Variants in CBL observed in about 807,000 individuals in gnomAD.
CBL encodes E3 ubiquitin-protein ligase CBL.
In CBL, 45 loss-of-function variants were observed where a neutral mutation model predicts 96.9. The ratio of observed to expected loss-of-function variants is 0.46; its 90% CI spans 0.37 to 0.60. The LOEUF (loss-of-function observed/expected upper bound fraction) is 0.60. CBL is among the 20% of genes least tolerant of loss of function. CBL has a pLI of 0.00. For missense variants in CBL, 1,024 were observed against 1,143.5 expected, an observed-to-expected ratio of 0.90 and a Z score of 1.51; for synonymous variants, 420 against 426.8, an observed-to-expected ratio of 0.98 and a Z score of 0.20.
chr11:119,273,830 T>A (rs539715379), intron 3 of CBL, 38 bp from the exon 4 acceptor site: 11 of 1,586,042 alleles, frequency 6.9e-6, no homozygotes, highest in African/African-American at 1.3e-5. Context: ...ATTATCTCTG[T>A]TATTTCACTT....
intron 2 of CBL, among the ~76,000 whole-genome samples, chr11:119,263,506 T>A (rs180963936): frequency 6.6e-6 from 1 of 152,342 alleles, no homozygotes; most frequent in East Asian, 1.9e-4. Context: ...AGTAGGAATC[T>A]GTTACTGTGT....
In CBL at chr11:119,294,156, C is replaced by T. The variant is rs369548701; in HGVS notation, c.2037-2762C>T. On this transcript the variant is annotated intron_variant, in intron 12 of 15. Transcript: ENST00000264033. ...AATTAAAATTTTTAAAAGTTAGGCACGGTGGCTCACGCCTGTAATCCCAGC... is the reference window on the plus strand; with the variant it reads ...AATTAAAATTTTTAAAAGTTAGGCATGGTGGCTCACGCCTGTAATCCCAGC... Among the ~76,000 whole-genome samples, 316 of 152,278 alleles carry T rather than the reference C, an allele frequency of 2.1e-3. 18 individuals are homozygous for T. In the South Asian group the frequency reaches 0.062, roughly 30 times the overall value.
intron 1 of CBL, among the ~76,000 whole-genome samples, chr11:119,207,113 A>G (rs1949276556): frequency 2.0e-5 from 3 of 152,112 alleles, no homozygotes; most frequent in Admixed American, 2.0e-4. Flanking sequence ...GACAGCTCTC[A>G]GGGAAGCTGT....
chr11:119,264,456 TC>T (rs1480625003), intron 2 of CBL, among the ~76,000 whole-genome samples: 1 of 134,540 alleles, frequency 7.4e-6, no homozygotes, highest in African/African-American at 2.8e-5. Context: ...TCTTCTCTTC[TC>T]TTCTCTTTTC....
intron 2 of CBL, among the ~76,000 whole-genome samples, chr11:119,242,340 G>A (rs970333250): frequency 6.6e-6 from 1 of 151,798 alleles, no homozygotes; most frequent in African/African-American, 2.4e-5. Context: ...TCAGGAGTTC[G>A]AGACCAGCGT....
At chr11:119,243,364 CTG>C (rs1284403022) in intron 2 of CBL, among the ~76,000 whole-genome samples, 1 of 151,974 alleles carries the variant, frequency 6.6e-6, no homozygotes, top group East Asian at 1.9e-4. Context: ...AGAGATTGGT[CTG>C]TGTTTTCCAG....
chr11:119,227,953 A>G (rs558480455), intron 1 of CBL, among the ~76,000 whole-genome samples: 1 of 152,272 alleles, frequency 6.6e-6, no homozygotes, highest in African/African-American at 2.4e-5. Context: ...TGTGCCTGAC[A>G]CATATTTGTT....
At chr11:119,273,607 A>G (rs1435381141) in intron 3 of CBL, among the ~76,000 whole-genome samples, 1 of 152,056 alleles carries the variant, frequency 6.6e-6, no homozygotes, top group African/African-American at 2.4e-5. Context: ...GTAGAGACAA[A>G]GTTTCACCAT....
intron 9 of CBL, among the ~76,000 whole-genome samples, chr11:119,284,254 A>G (rs1949963189): frequency 6.6e-6 from 1 of 151,952 alleles, no homozygotes; most frequent in African/African-American, 2.4e-5. Context: ...TTTCCCAGGT[A>G]CTTTGTTAAG....
chr11:119,270,416 T>TTATATATATATATATATA (rs142299271), intron 2 of CBL, among the ~76,000 whole-genome samples: 1 of 74,364 alleles, frequency 1.3e-5, no homozygotes, highest in African/African-American at 6.2e-5. Context: ...CAGCTAATTT[T>TTATATATATATATATATA]TATATATATA....
chr11:119,270,687 C>T (rs1336275935), intron 2 of CBL, among the ~76,000 whole-genome samples: 1 of 151,322 alleles, frequency 6.6e-6, no homozygotes, highest in Non-Finnish European at 1.5e-5. Context: ...ACCTCGTGAT[C>T]CGCCCGCCTC....
At position 119,229,894 on chromosome 11, in the gene CBL, A is replaced by AT. The variant is rs1043832449; in HGVS notation, c.196-2549dup. ...AGGCATGTGCCACCATGTCCGGCTA[A>AT]TTTTTGAAGAATTCTTGATCATTAG... On this transcript the variant is annotated intron_variant, in intron 1 of 15. Coordinates refer to ENST00000264033, the MANE Select transcript of CBL (RefSeq NM_005188.4). Among the ~76,000 whole-genome samples the AT allele has an allele frequency of 6.1e-4, 92 of 151,986 alleles. 1 individual carries two copies. Among genetic ancestry groups the AT allele is most frequent in the Admixed American group, 1.4e-3 (22 of 15,244 alleles).
rs2135321067 is a variant in CBL at position 119,298,440 on chromosome 11, G to C, written c.2334G>C (p.Lys778Asn). 1 of 1,614,180 alleles carries C rather than the reference G, an allele frequency of 6.2e-7. No homozygotes were observed. The highest frequency in any genetic ancestry group is 8.5e-7 in the Non-Finnish European group (1 of 1,180,026). The change falls in exon 15 of 16, where the codon AAG becomes AAC. Residue 778 changes from lysine to asparagine, a missense_variant. Lys to Asn is a moderately conservative substitution (Grantham distance 94). Coordinates refer to ENST00000264033, the MANE Select transcript of CBL (RefSeq NM_005188.4). Reference protein sequence around the residue: ...ENEDDGYDVPKPPVPAVLARR... With the variant: ...ENEDDGYDVPNPPVPAVLARR... ...AGGATGATGGGTATGATGTCCCAAA[G>C]CCACCTGTGCCGGCCGTGCTGGCCC...
intron 1 of CBL, among the ~76,000 whole-genome samples, chr11:119,229,329 T>G (rs1394541301): frequency 6.6e-6 from 1 of 152,210 alleles, no homozygotes; most frequent in Admixed American, 6.5e-5. Flanking sequence ...GAGTCTTTTT[T>G]CCCTGGCCAT....
intron 12 of CBL, among the ~76,000 whole-genome samples, chr11:119,290,127 C>T (rs1474367110): frequency 6.6e-6 from 1 of 152,000 alleles, no homozygotes; most frequent in African/African-American, 2.4e-5. Context: ...CTCACTGCAG[C>T]CTAAACTTCC....
chr11:119,218,702 G>A (rs1429312219), intron 1 of CBL, among the ~76,000 whole-genome samples: 1 of 152,162 alleles, frequency 6.6e-6, no homozygotes, highest in Admixed American at 6.5e-5. Context: ...TTGATTCTTA[G>A]ATCAACTGTT....
At chr11:119,232,751 TA>T in intron 2 of CBL, 56 bp downstream of exon 2, 1 of 1,542,066 alleles carries the variant, frequency 6.5e-7, no homozygotes. Context: ...CCTGAATGGG[TA>T]ACACATAGAA....
intron 1 of CBL, among the ~76,000 whole-genome samples, chr11:119,223,320 C>T (rs1949426256): frequency 6.7e-6 from 1 of 149,964 alleles, no homozygotes; most frequent in Non-Finnish European, 1.5e-5. Flanking sequence ...ACATGAGCCA[C>T]CATGCCTGGC....
At chr11:119,283,539 G>T (rs1279746471) in intron 9 of CBL, among the ~76,000 whole-genome samples, 4 of 149,996 alleles carry the variant, frequency 2.7e-5, no homozygotes, top group Non-Finnish European at 4.4e-5. Flanking sequence ...AATGGAAAAG[G>T]TTATATATGT....
Sources: gnomAD v4.1 joint callset for allele counts (sites outside exome capture counted in the v4.1 genomes callset) on GRCh38, gnomAD v4.1.1 for gene constraint, MANE v1.5 for transcripts, NCBI Gene and HGNC (gene_info 2026-07-23, HGNC 2026-07-21) for gene names.